Variants in NCAN observed in about 807,000 individuals in gnomAD.
NCAN encodes the protein neurocan.
In NCAN, 47 loss-of-function variants were observed where a neutral mutation model predicts 121.8. That is an observed-to-expected ratio of 0.39 (90% CI 0.31 to 0.49). The LOEUF is 0.49. Among genes scored for constraint, NCAN ranks in the 20% least tolerant of loss-of-function variants. The pLI is 0.92. For synonymous variants in NCAN, 633 were observed against 702.0 expected (o/e 0.90, Z 1.55); for missense variants, 1,517 against 1,773.4 (o/e 0.86, Z 2.60).
In NCAN at chr19:19,214,923, G is replaced by A. The variant is rs112882123; in HGVS notation, c.-7-2024G>A. 6.1e-3 allele frequency among the ~76,000 whole-genome samples: 929 copies of A among 152,290 alleles called. 7 individuals carry two copies. Among genetic ancestry groups the A allele is most frequent in the African/African-American group, 0.02 (843 of 41,550 alleles). On this transcript the variant is annotated intron_variant, in intron 1 of 14. Coordinates refer to ENST00000252575, the MANE Select transcript of NCAN (RefSeq NM_004386.3). ...GCTCAGGGTTCCAAGGGGAAGAAAT[G>A]AGAACAGCCTGGTGAAGGCAGAGGT...
At chr19:19,223,609 A>G (rs2060824562) in intron 3 of NCAN, among the ~76,000 whole-genome samples, 1 of 151,962 alleles carries the variant, frequency 6.6e-6, no homozygotes, top group African/African-American at 2.4e-5. Context: ...AGTAGCTGGG[A>G]TTACAGACGC....
chr19:19,214,763 T>TGTGTGTGA (rs1491267976), intron 1 of NCAN, among the ~76,000 whole-genome samples: 12 of 92,090 alleles, frequency 1.3e-4, no homozygotes, highest in African/African-American at 3.2e-4. Flanking sequence ...TGTGTGTGTG[T>TGTGTGTGA]GAGAGAGAGA....
At chr19:19,228,839 TG>T (rs1239298350) in intron 8 of NCAN, among the ~76,000 whole-genome samples, 200 bp downstream of exon 8, 2 of 152,192 alleles carry the variant, frequency 1.3e-5, no homozygotes, top group East Asian at 1.9e-4. Flanking sequence ...GAACGAGCAC[TG>T]GCAAAGGCCA....
chr19:19,248,895 T>C lies in NCAN; in HGVS notation c.3820+13T>C. 6.2e-7 allele frequency: 1 copy of C among 1,612,964 alleles called. No homozygotes were observed. The highest frequency in any genetic ancestry group is 8.5e-7 in the Non-Finnish European group (1 of 1,179,210). On this transcript the variant is annotated intron_variant, in intron 14 of 14. Transcript: ENST00000252575. Reference sequence around the variant, plus strand: ...GTCTGCACCAAACGTAAGTAGCTTCTCCCAGAGATCTCAACATAGGTTTTT... The same window carrying C: ...GTCTGCACCAAACGTAAGTAGCTTCCCCCAGAGATCTCAACATAGGTTTTT...
Position 19,227,426 on chromosome 19 carries a change from G to GT in NCAN, c.1810dup (p.Trp604LeufsTer53). 1 of 1,613,740 alleles carries GT rather than the reference G, an allele frequency of 6.2e-7. No homozygotes were observed. The highest frequency in any genetic ancestry group is 8.5e-7 in the Non-Finnish European group (1 of 1,179,944). ...GTGCCAGGCCAGCCACCCCAGACCTGTTTTGGTCCCCCTTGGAGGCCACTG... is the reference window on the plus strand; with the variant it reads ...GTGCCAGGCCAGCCACCCCAGACCTGTTTTTGGTCCCCCTTGGAGGCCACTG... On this transcript the variant is annotated frameshift_variant, in exon 8 of 15. Transcript: ENST00000252575. LOFTEE classifies it high-confidence loss of function. This position sits in a 1 kb window ranked among gnomAD's most constrained non-coding sequence, Gnocchi z 4.2.
chr19:19,225,017 G>A lies in NCAN; in HGVS notation c.819G>A (p.Leu273=). Residue 273 remains leucine, a synonymous_variant, in exon 6 of 15, where the codon CTG becomes CTA. Transcript: ENST00000252575. The surrounding 1 kb of genome is among the most constrained non-coding windows in gnomAD (Gnocchi z 4.0). The part of the protein sequence containing the change: ...FYVGPARRLT[L]AGARAQCRRQ... Reference sequence around the variant, plus strand: ...TGGGCCCGGCCCGCCGCCTGACACTGGCCGGCGCGCGTGCACAGTGCCGCC... The same window carrying A: ...TGGGCCCGGCCCGCCGCCTGACACTAGCCGGCGCGCGTGCACAGTGCCGCC... The A allele has an allele frequency of 2.0e-6, 3 of 1,481,324 alleles. No homozygotes were observed. The highest frequency in any genetic ancestry group is 1.3e-5 in the South Asian group (1 of 77,530). The allele number at this position is 1,481,324 out of a possible 1,614,324, so 91.8% of individuals were successfully genotyped here. A position where few individuals can be genotyped will look rare whatever the true frequency, so the allele number is the denominator to read the frequency against.
At chr19:19,248,249 C>A (rs8108777) in intron 13 of NCAN, among the ~76,000 whole-genome samples, 35,631 of 151,758 alleles carry the variant, frequency 0.23, 5,454 homozygotes, top group African/African-American at 0.43. Context: ...GTTCAAGACC[C>A]GCCTGGCCAA....
intron 6 of NCAN, among the ~76,000 whole-genome samples, chr19:19,226,223 C>A (rs1386768636): frequency 6.6e-6 from 1 of 152,182 alleles, no homozygotes; most frequent in Non-Finnish European, 1.5e-5. Context: ...AGCCACCGCG[C>A]CTGGCCCAAA....
intron 12 of NCAN, among the ~76,000 whole-genome samples, chr19:19,241,347 G>A (rs1407024399): frequency 3.3e-5 from 5 of 151,974 alleles, no homozygotes; most frequent in Non-Finnish European, 5.9e-5. Context: ...AGGATCACTT[G>A]AGCCCAGGAG....
Position 19,227,365 on chromosome 19 carries a change from C to T in NCAN, c.1745C>T (p.Ala582Val). ...VPPSISGHSRAPVLELEKAEG... is the reference protein window; with the variant it reads ...VPPSISGHSRVPVLELEKAEG... ...CCCAGCATCTCAGGCCACAGCAGGG[C>T]CCCTGTCCTGGAGCTAGAGAAAGCC... The change falls in exon 8 of 15, where the codon GCC becomes GTC. Residue 582 changes from alanine (A) to valine (V), a missense_variant. Coordinates refer to ENST00000252575, the MANE Select transcript of NCAN (RefSeq NM_004386.3). The surrounding 1 kb of genome is among the most constrained non-coding windows in gnomAD (Gnocchi z 4.2). 6.2e-7 allele frequency: 1 copy of T among 1,613,380 alleles called. No individual in the cohort carries two copies. The highest frequency in any genetic ancestry group is 8.5e-7 in the Non-Finnish European group (1 of 1,179,882).
Position 19,240,697 on chromosome 19 carries a change from G to A in NCAN, c.3492+12G>A. 2 of 1,613,432 alleles carry A rather than the reference G, an allele frequency of 1.2e-6. No homozygotes were observed. Among genetic ancestry groups the A allele is most frequent in the Non-Finnish European group, 1.7e-6 (2 of 1,179,582 alleles). Reference sequence around the variant, plus strand: ...ACAACACCGGGCTGGTGAGTGGCAGGGGCTGCGGGCCTAGGCTGCTGAGCC... The same window carrying A: ...ACAACACCGGGCTGGTGAGTGGCAGAGGCTGCGGGCCTAGGCTGCTGAGCC... On this transcript the variant is annotated intron_variant, in intron 12 of 14. Coordinates refer to ENST00000252575, the MANE Select transcript of NCAN (RefSeq NM_004386.3).
rs1248994750 is a variant in NCAN, at chr19:19,215,636, G to C, written c.-7-1311G>C. Among the ~76,000 whole-genome samples, 3 of 152,220 alleles carry C rather than the reference G, an allele frequency of 2.0e-5. No homozygotes were observed. The East Asian group carries it at 5.8e-4, about 29-fold the overall frequency. On this transcript the variant is annotated intron_variant, in intron 1 of 14. Transcript: ENST00000252575. ...GGGCAGGGGTGAGCCCCTTCCTCCA[G>C]CTGGGAGTTGGCGGCTCCTCCAAAA...
intron 1 of NCAN, among the ~76,000 whole-genome samples, chr19:19,214,225 C>G (rs781522469): frequency 1.7e-4 from 26 of 148,728 alleles, no homozygotes; most frequent in Non-Finnish European, 3.3e-4. Flanking sequence ...CACTCACACA[C>G]ACTCTCTCAC....
At chr19:19,221,338 G>A (rs1349811331) in intron 3 of NCAN, among the ~76,000 whole-genome samples, 1 of 151,688 alleles carries the variant, frequency 6.6e-6, no homozygotes, top group Non-Finnish European at 1.5e-5. Flanking sequence ...AGGAGTTCGA[G>A]ACCAGCAGAT....
intron 12 of NCAN, among the ~76,000 whole-genome samples, chr19:19,242,385 T>C (rs1400068785): frequency 6.6e-6 from 1 of 151,480 alleles, no homozygotes; most frequent in Non-Finnish European, 1.5e-5. Flanking sequence ...CAAGACCCTG[T>C]CTCAAACAAA....
At chr19:19,229,858 T>C (rs2060851754) in intron 8 of NCAN, among the ~76,000 whole-genome samples, 1 of 152,094 alleles carries the variant, frequency 6.6e-6, no homozygotes, top group Non-Finnish European at 1.5e-5. Flanking sequence ...TGGGAGAATC[T>C]CTTGAGCTCA....
intron 13 of NCAN, among the ~76,000 whole-genome samples, chr19:19,246,301 G>A (rs1457947198): frequency 1.3e-5 from 2 of 152,042 alleles, no homozygotes; most frequent in Non-Finnish European, 2.9e-5. Context: ...GCCTCCCAAA[G>A]GGCAGGGATT....
At chr19:19,248,957 C>T in intron 14 of NCAN, 75 bp downstream of exon 14, 5 of 1,495,782 alleles carry the variant, frequency 3.3e-6, no homozygotes, top group South Asian at 1.2e-5. Context: ...TCCTATTTCT[C>T]CACACATTGA....
chr19:19,223,034 G>A (rs940042144), intron 3 of NCAN, among the ~76,000 whole-genome samples: 4 of 152,098 alleles, frequency 2.6e-5, no homozygotes, highest in East Asian at 1.9e-4. Flanking sequence ...GTGTGAACCC[G>A]GGAGGCGGAG....
Sources: allele counts gnomAD v4.1 joint callset (sites outside exome capture counted in the v4.1 genomes callset), GRCh38; gene constraint gnomAD v4.1.1; non-coding constraint Gnocchi (gnomAD v3.1); transcripts MANE v1.5; gene names NCBI Gene and HGNC (gene_info 2026-07-23, HGNC 2026-07-21).